PTPRG: variants seen among roughly 807,000 people sequenced by gnomAD.
PTPRG encodes the protein protein tyrosine phosphatase receptor type G, also known as receptor-type tyrosine-protein phosphatase gamma.
Under a neutral mutation model 165.3 loss-of-function variants are expected in PTPRG, and 102 were observed. That is an observed-to-expected ratio of 0.62 (90% CI 0.53 to 0.73). PTPRG has a LOEUF of 0.73. PTPRG is among the 30% of genes least tolerant of loss of function. The pLI is 0.00. For synonymous variants in PTPRG, 675 were observed against 669.5 expected, an observed-to-expected ratio of 1.01 and a Z score of -0.13; for missense variants, 1,866 against 1,861.4, an observed-to-expected ratio of 1.00 and a Z score of -0.05.
intron 2 of PTPRG, among the ~76,000 whole-genome samples, chr3:61,786,596 A>C (rs2034712278): frequency 6.6e-6 from 1 of 152,180 alleles, no homozygotes; most frequent in African/African-American, 2.4e-5. Context: ...CCACCCCCAG[A>C]CTGGGTATGT....
At chr3:62,239,641 T>C (rs1401112788) in intron 14 of PTPRG, among the ~76,000 whole-genome samples, 1 of 152,098 alleles carries the variant, frequency 6.6e-6, no homozygotes, top group Non-Finnish European at 1.5e-5. Context: ...ATTACAGGCG[T>C]GAGTCACTGT....
At chr3:61,729,040 C>T (rs965799677) in intron 1 of PTPRG, among the ~76,000 whole-genome samples, 4 of 150,556 alleles carry the variant, frequency 2.7e-5, no homozygotes, top group African/African-American at 7.3e-5. Flanking sequence ...CCAGTCTGGG[C>T]GGCAGAGAGA....
rs1371380259 is a variant in PTPRG, at chr3:61,767,239, T to TG, written c.190+18257_190+18258insG. Among the ~76,000 whole-genome samples, 11 of 73,080 alleles carry TG rather than the reference T, an allele frequency of 1.5e-4. 1 individual carries two copies. Among genetic ancestry groups the TG allele is most frequent in the Admixed American group, 1.2e-3 (6 of 5,086 alleles). 47.9% of individuals were successfully genotyped at this position (73,080 alleles called of 152,430 possible). ...AGCCTTGTGACAGCAAGATTCCATC[T>TG]CAAAAAAAAAAAAAAAAAGAAAGTA... is the stretch of plus-strand genomic sequence containing the variant. On this transcript the variant is annotated intron_variant, in intron 2 of 29. Transcript: ENST00000474889.
intron 8 of PTPRG, among the ~76,000 whole-genome samples, chr3:62,170,409 G>T (rs1705171611): frequency 6.6e-6 from 1 of 152,148 alleles, no homozygotes; most frequent in African/African-American, 2.4e-5. Context: ...AGATCTGATA[G>T]CTCAGAATTG....
chr3:61,777,550 C>G (rs985975621), intron 2 of PTPRG, among the ~76,000 whole-genome samples: 4 of 152,142 alleles, frequency 2.6e-5, no homozygotes, highest in Non-Finnish European at 5.9e-5. Flanking sequence ...TCAACAGGAT[C>G]CTATCATTCA....
chr3:61,710,847 G>A (rs1273968901), intron 1 of PTPRG, among the ~76,000 whole-genome samples: 1 of 152,058 alleles, frequency 6.6e-6, no homozygotes, highest in East Asian at 1.9e-4. Flanking sequence ...AGGTATGCAT[G>A]TGCCATGGTG....
chr3:61,898,302 AC>A (rs2107515108), intron 2 of PTPRG, among the ~76,000 whole-genome samples: 1 of 152,174 alleles, frequency 6.6e-6, no homozygotes, highest in African/African-American at 2.4e-5. Flanking sequence ...AAATCCTCCC[AC>A]CTCAGCCTTC....
chr3:61,851,378 G>A (rs567153376), intron 2 of PTPRG, among the ~76,000 whole-genome samples: 8 of 152,272 alleles, frequency 5.3e-5, no homozygotes, highest in African/African-American at 1.9e-4. Flanking sequence ...CCTCAAGAGA[G>A]GATCTAGTTG....
intron 1 of PTPRG, among the ~76,000 whole-genome samples, chr3:61,624,254 T>G (rs959755694): frequency 6.6e-6 from 1 of 152,094 alleles, no homozygotes; most frequent in Admixed American, 6.6e-5. Context: ...CCTCTCTAGA[T>G]ATGCTGAATG....
Position 62,043,508 on chromosome 3 carries a change from T to G in PTPRG, c.520-34655T>G, listed in dbSNP as rs1448144048. 5.9e-5 allele frequency among the ~76,000 whole-genome samples: 9 copies of G among 152,192 alleles called. No individual in the cohort carries two copies. In the East Asian group the frequency reaches 1.7e-3, roughly 29 times the overall value. Reference sequence around the variant, plus strand: ...GTTTAGAGCCCTTCTCATAAGAGAATAAACAAAGATAATAAGAAGGCAATA... The same window carrying G: ...GTTTAGAGCCCTTCTCATAAGAGAAGAAACAAAGATAATAAGAAGGCAATA... On this transcript the variant is annotated intron_variant, in intron 4 of 29. Coordinates refer to ENST00000474889, the MANE Select transcript of PTPRG (RefSeq NM_002841.4).
intron 2 of PTPRG, among the ~76,000 whole-genome samples, chr3:61,797,895 A>G (rs959352280): frequency 1.4e-5 from 2 of 145,046 alleles, no homozygotes; most frequent in African/African-American, 2.7e-5. Context: ...AGAGTGGGAG[A>G]GAAGGAGAAA....
intron 1 of PTPRG, among the ~76,000 whole-genome samples, chr3:61,724,939 C>T (rs182742291): frequency 7.1e-4 from 108 of 152,252 alleles, no homozygotes; most frequent in Non-Finnish European, 8.7e-4. Context: ...CCCACGTCCT[C>T]TCACCAAGGC....
intron 12 of PTPRG, among the ~76,000 whole-genome samples, chr3:62,204,444 G>A (rs1700178198): frequency 6.6e-6 from 1 of 152,148 alleles, no homozygotes; most frequent in South Asian, 2.1e-4. Flanking sequence ...AAGTTAGGTA[G>A]CAGGAACGTT....
intron 1 of PTPRG, among the ~76,000 whole-genome samples, chr3:61,667,574 C>T (rs191745416): frequency 3.6e-4 from 55 of 152,212 alleles, no homozygotes; most frequent in Non-Finnish European, 5.7e-4. Context: ...CTCTATTAGG[C>T]CTGACTCATG....
At position 62,167,983 on chromosome 3, in the gene PTPRG, T is replaced by C; in HGVS notation, c.853T>C (p.Tyr285His). Residue 285 changes from tyrosine to histidine, a missense_variant, in exon 8 of 30, where the codon TAT (tyrosine) becomes CAT (histidine). By Grantham distance (83) the Tyr-to-His change is moderately conservative. Coordinates refer to ENST00000474889, the MANE Select transcript of PTPRG (RefSeq NM_002841.4). Reference sequence around the variant, plus strand: ...GTCCTCTGTTCAGCTTGAGGCTTTTTATTCCATCTTCACCACGGAGCAGCA... The same window carrying C: ...GTCCTCTGTTCAGCTTGAGGCTTTTCATTCCATCTTCACCACGGAGCAGCA... ...PISYHQLEAF[Y>H]SIFTTEQQDH... The C allele has an allele frequency of 6.2e-7, 1 of 1,613,408 alleles. No homozygotes were observed. The highest frequency in any genetic ancestry group is 8.5e-7 in the Non-Finnish European group (1 of 1,179,608).
intron 2 of PTPRG, among the ~76,000 whole-genome samples, chr3:61,789,401 C>A (rs941722460): frequency 6.6e-6 from 1 of 152,174 alleles, no homozygotes; most frequent in East Asian, 1.9e-4. Context: ...AGCTACTGTG[C>A]CTAGCCTCTA....
intron 2 of PTPRG, among the ~76,000 whole-genome samples, chr3:61,909,949 A>G (rs2038759107): frequency 6.6e-6 from 1 of 152,182 alleles, no homozygotes; most frequent in Admixed American, 6.5e-5. Context: ...TTCATGGCAT[A>G]CTGTCCTCCT....
intron 1 of PTPRG, among the ~76,000 whole-genome samples, chr3:61,588,306 C>T (rs1248565899): frequency 1.3e-5 from 2 of 152,064 alleles, no homozygotes; most frequent in Admixed American, 6.6e-5. Context: ...ACATACTTTC[C>T]TAAATTACAG....
intron 4 of PTPRG, among the ~76,000 whole-genome samples, chr3:62,036,749 C>T (rs1229413425): frequency 6.6e-6 from 1 of 152,168 alleles, no homozygotes; most frequent in East Asian, 1.9e-4. Context: ...GCAAAAAAAG[C>T]CATAGCTAAG....
Sources: allele counts gnomAD v4.1 joint callset (sites outside exome capture counted in the v4.1 genomes callset), GRCh38; gene constraint gnomAD v4.1.1; transcripts MANE v1.5; gene names NCBI Gene and HGNC (gene_info 2026-07-23, HGNC 2026-07-21).